ASTN2: variants seen among roughly 807,000 people sequenced by gnomAD.
The protein encoded by ASTN2 is astrotactin 2.
In ASTN2, 54 loss-of-function variants were observed where a neutral mutation model predicts 139.8. The ratio of observed to expected loss-of-function variants is 0.39; its 90% CI spans 0.31 to 0.48. The LOEUF is 0.48. Among genes scored for constraint, ASTN2 ranks in the 20% least tolerant of loss-of-function variants. The pLI is 0.95. For missense variants in ASTN2, 1,565 were observed against 1,725.1 expected (o/e 0.91, Z 1.64); for synonymous variants, 756 against 719.5 (o/e 1.05, Z -0.81).
intron 1 of ASTN2, among the ~76,000 whole-genome samples, chr9:117,375,488 A>C (rs1366127597): frequency 6.6e-6 from 1 of 152,208 alleles, no homozygotes; most frequent in Non-Finnish European, 1.5e-5. Flanking sequence ...ACGAGCAAGC[A>C]TTTATTTTGT....
chr9:117,271,915 G>C (rs1459561565), intron 2 of ASTN2, among the ~76,000 whole-genome samples: 3 of 152,132 alleles, frequency 2.0e-5, no homozygotes, highest in Non-Finnish European at 4.4e-5. Flanking sequence ...GCTTTTCCAG[G>C]TGCACTGCAC....
intron 3 of ASTN2, among the ~76,000 whole-genome samples, chr9:117,200,902 C>A (rs1020220211): frequency 6.6e-6 from 1 of 150,772 alleles, no homozygotes; most frequent in East Asian, 2.0e-4. Flanking sequence ...GGAGTCCCTC[C>A]TTTTCAATTG....
intron 1 of ASTN2, among the ~76,000 whole-genome samples, chr9:117,354,905 A>G (rs1829493882): frequency 6.6e-6 from 1 of 152,194 alleles, no homozygotes; most frequent in South Asian, 2.1e-4. Context: ...TTATCAAAAT[A>G]CTCAACGATT....
chr9:117,107,384 A>G (rs191316343), intron 4 of ASTN2, among the ~76,000 whole-genome samples: 82 of 152,234 alleles, frequency 5.4e-4, no homozygotes, highest in African/African-American at 2.0e-3. Context: ...TTTGATCTAT[A>G]TTGTCAAGAC....
chr9:116,822,355 A>G (rs1831511140), intron 11 of ASTN2, among the ~76,000 whole-genome samples: 1 of 152,224 alleles, frequency 6.6e-6, no homozygotes, highest in South Asian at 2.1e-4. Context: ...CAGAAAGGTT[A>G]TAAAACTGCT....
intron 18 of ASTN2, among the ~76,000 whole-genome samples, chr9:116,619,374 G>A (rs891407108): frequency 6.6e-6 from 1 of 151,968 alleles, no homozygotes; most frequent in African/African-American, 2.4e-5. Flanking sequence ...CCTGAGACAT[G>A]AGTCTCACCA....
chr9:116,598,266 T>C (rs1465242804), intron 19 of ASTN2, among the ~76,000 whole-genome samples: 1 of 152,100 alleles, frequency 6.6e-6, no homozygotes, highest in Non-Finnish European at 1.5e-5. Flanking sequence ...GAGAATGGAA[T>C]TGGTAAATAA....
At chr9:117,007,999 A>G in intron 7 of ASTN2, 93 bp downstream of exon 7, 1 of 1,363,832 alleles carries the variant, frequency 7.3e-7, no homozygotes, top group South Asian at 1.8e-5. Context: ...TCAATGGCTC[A>G]GAATCCATGG....
At chr9:116,850,933 A>C (rs1042624954) in intron 11 of ASTN2, among the ~76,000 whole-genome samples, 1 of 152,226 alleles carries the variant, frequency 6.6e-6, no homozygotes, top group African/African-American at 2.4e-5. Context: ...TCTAGGGAGT[A>C]GGATCCAAAG....
At chr9:116,511,521 A>G (rs1850378930) in intron 19 of ASTN2, among the ~76,000 whole-genome samples, 1 of 152,202 alleles carries the variant, frequency 6.6e-6, no homozygotes, top group African/African-American at 2.4e-5. Flanking sequence ...GCCTCGTAAA[A>G]TGAGTTAGGG....
At chr9:116,649,888 T>C (rs7030903) in intron 17 of ASTN2, among the ~76,000 whole-genome samples, 3,613 of 152,270 alleles carry the variant, frequency 0.024, 142 homozygotes, top group African/African-American at 0.082. Context: ...ATGATCAGGA[T>C]TCATTTTGTT....
intron 10 of ASTN2, among the ~76,000 whole-genome samples, chr9:116,903,758 T>C (rs540288719): frequency 4.3e-4 from 66 of 152,236 alleles, no homozygotes; most frequent in South Asian, 1.0e-3. Context: ...TATTAATAGT[T>C]TGACATTTGT....
intron 5 of ASTN2, among the ~76,000 whole-genome samples, chr9:117,090,913 C>G (rs1482955069): frequency 6.6e-6 from 1 of 152,236 alleles, no homozygotes; most frequent in Non-Finnish European, 1.5e-5. Flanking sequence ...CACCACTAGC[C>G]CTCAGTGTAA....
At chr9:116,895,902 G>T (rs1424182783) in intron 10 of ASTN2, among the ~76,000 whole-genome samples, 2 of 152,094 alleles carry the variant, frequency 1.3e-5, no homozygotes, top group African/African-American at 2.4e-5. Flanking sequence ...GTGGAATTAG[G>T]TTATTACAAT....
At chr9:117,050,232 A>G (rs1045454002) in intron 5 of ASTN2, among the ~76,000 whole-genome samples, 1 of 152,128 alleles carries the variant, frequency 6.6e-6, no homozygotes, top group African/African-American at 2.4e-5. Flanking sequence ...TTCCATGGCT[A>G]CCAAGGACGA....
At chr9:116,945,921 G>C (rs937886228) in intron 10 of ASTN2, among the ~76,000 whole-genome samples, 1 of 152,194 alleles carries the variant, frequency 6.6e-6, no homozygotes, top group African/African-American at 2.4e-5. Context: ...AGAATTAACA[G>C]AGAGCATAAC....
At position 116,424,593 on chromosome 9, in the gene ASTN2, C is replaced by CTTT. The variant is rs11451556; in HGVS notation, c.*1255_*1257dup. 3.5e-5 allele frequency among the ~76,000 whole-genome samples: 5 copies of CTTT among 142,576 alleles called. No individual in the cohort carries two copies. The highest frequency in any genetic ancestry group is 2.1e-4 in the East Asian group (1 of 4,852). 93.5% of individuals were successfully genotyped at this position (142,576 alleles called of 152,430 possible). On this transcript the variant is annotated 3_prime_UTR_variant, in exon 23 of 23. Transcript: ENST00000313400. ...CTCTTCTTCCTGGAGCAAATTCCAT[C>CTTT]TTTTTTTTTTTTTTTAAGTTGTCAC...
chr9:116,632,252 G>GGAAA (rs1170260019), intron 17 of ASTN2, among the ~76,000 whole-genome samples: 17,685 of 70,272 alleles, frequency 0.25, 2,683 homozygotes, highest in South Asian at 0.42. Context: ...AAAGAAAGAA[G>GGAAA]GAAAGAAAGA....
intron 1 of ASTN2, among the ~76,000 whole-genome samples, chr9:117,292,561 CA>C (rs1203179372): frequency 6.6e-6 from 1 of 152,134 alleles, no homozygotes; most frequent in African/African-American, 2.4e-5. Flanking sequence ...AAACAGGAGA[CA>C]AATAGCCTTT....
Sources: gnomAD v4.1 joint callset for allele counts (sites outside exome capture counted in the v4.1 genomes callset) on GRCh38, gnomAD v4.1.1 for gene constraint, MANE v1.5 for transcripts, NCBI Gene and HGNC (gene_info 2026-07-23, HGNC 2026-07-21) for gene names.